The following SENP1 variants were observed in gnomAD, a reference collection of about 807,000 sequenced individuals.
SENP1 encodes the protein sentrin-specific protease 1.
In SENP1, 21 loss-of-function variants were observed where a neutral mutation model predicts 93.0. The observed-to-expected ratio is 0.23, with a 90% CI of 0.16 to 0.33. SENP1 has a LOEUF of 0.33. SENP1 is among the 10% of genes least tolerant of loss of function. The pLI is 1.00. For synonymous variants in SENP1, 256 were observed against 259.6 expected (o/e 0.99, Z 0.13); for missense variants, 591 against 758.7 (o/e 0.78, Z 2.60).
At chr12:48,081,487 G>A (rs1468839935) in intron 6 of SENP1, 2 of 150,866 alleles carry the variant, frequency 1.3e-5, no homozygotes, top group Non-Finnish European at 2.9e-5. Flanking sequence ...AAAGGCAAAT[G>A]TTGCCAGTTT....
At chr12:48,089,347 T>C in intron 4 of SENP1, 3 of 1,320,766 alleles carry the variant, frequency 2.3e-6, no homozygotes, top group Admixed American at 2.3e-5. Flanking sequence ...CCAGTGAGAA[T>C]TGTAATTCAA....
intron 5 of SENP1, among the ~76,000 whole-genome samples, chr12:48,088,061 T>A (rs1944998255): frequency 6.6e-6 from 1 of 152,076 alleles, no homozygotes; most frequent in Admixed American, 6.6e-5. Flanking sequence ...ACTATCTTTT[T>A]TTTTTTTTCT....
chr12:48,048,936 C>T lies in SENP1; in HGVS notation c.1604G>A (p.Cys535Tyr). Residue 535 changes from cysteine to tyrosine, a missense_variant, in exon 14 of 18, where the codon TGT (cysteine) becomes TAT (tyrosine). By Grantham distance (194) the Cys-to-Tyr change is radical. Transcript: ENST00000549518. Reference protein sequence around the residue: ...LVPIHLGVHWCLAVVDFRKKN... With the variant: ...LVPIHLGVHWYLAVVDFRKKN... ...AATGAAAGGGGTACTCACAGCTAGA[C>T]ACCAGTGTACTCCCAGGTGAATGGG... is the stretch of plus-strand genomic sequence containing the variant. 6.2e-7 allele frequency: 1 copy of T among 1,612,614 alleles called. No homozygotes were observed.
intron 2 of SENP1, among the ~76,000 whole-genome samples, chr12:48,100,683 C>T (rs1386138686): frequency 6.6e-6 from 1 of 151,876 alleles, no homozygotes; most frequent in African/African-American, 2.4e-5. Flanking sequence ...CTAGAAAACT[C>T]TAGAACCAGA....
chr12:48,094,775 CTT>C (rs1004413450), intron 4 of SENP1, among the ~76,000 whole-genome samples: 1 of 152,028 alleles, frequency 6.6e-6, no homozygotes, highest in Non-Finnish European at 1.5e-5. Flanking sequence ...TTCTATATAA[CTT>C]TATTATTAAG....
In SENP1 at chr12:48,064,957, G is replaced by A. The variant is rs1053426433; in HGVS notation, c.1275+108C>T. 1.2e-4 allele frequency: 93 copies of A among 783,108 alleles called. No homozygotes were observed. In the East Asian group the frequency reaches 2.2e-3, roughly 18 times the overall value. 48.5% of individuals were successfully genotyped at this position (783,108 alleles called of 1,614,324 possible). On this transcript the variant is annotated intron_variant, in intron 12 of 17. Transcript: ENST00000549518. The stretch of plus-strand genomic sequence containing the variant: ...CTCCCAAAGTGATGGGATTACAGGC[G>A]TGAGCCACCGTGCCTGACCACTATT...
intron 1 of SENP1, among the ~76,000 whole-genome samples, chr12:48,104,166 A>T (rs1314840847): frequency 6.7e-6 from 1 of 150,198 alleles, no homozygotes. Flanking sequence ...AGACAAGACC[A>T]AGCCATTGCA....
chr12:48,085,418 C>A, intron 5 of SENP1: 1 of 1,119,690 alleles, frequency 8.9e-7, no homozygotes, highest in Non-Finnish European at 1.3e-6. Flanking sequence ...AAGACCTGTG[C>A]TAGGGTCTTT....
chr12:48,067,658 G>A (rs966199830), intron 9 of SENP1, among the ~76,000 whole-genome samples: 5 of 152,162 alleles, frequency 3.3e-5, no homozygotes, highest in African/African-American at 9.7e-5. Context: ...AGTAAACAGA[G>A]CATCAAATTG....
At chr12:48,066,469 C>A (rs1382683767) in intron 10 of SENP1, among the ~76,000 whole-genome samples, 1 of 151,164 alleles carries the variant, frequency 6.6e-6, no homozygotes, top group African/African-American at 2.4e-5. Flanking sequence ...CCAACTCCAA[C>A]AATATTTTGA....
At chr12:48,081,311 T>C (rs147023628) in intron 6 of SENP1, 83 of 152,122 alleles carry the variant, frequency 5.5e-4, no homozygotes, top group African/African-American at 2.0e-3. Flanking sequence ...TAATGAAAAA[T>C]AAATCTTGGG....
At chr12:48,083,533 G>A (rs1271489344) in intron 6 of SENP1, 58 bp downstream of exon 6, 15 of 1,376,964 alleles carry the variant, frequency 1.1e-5, no homozygotes, top group Non-Finnish European at 1.5e-5. Context: ...GGGAGCAAAT[G>A]GCTCAATGTA....
intron 4 of SENP1, among the ~76,000 whole-genome samples, chr12:48,094,549 A>G (rs1317888700): frequency 1.3e-5 from 2 of 152,062 alleles, no homozygotes; most frequent in African/African-American, 4.8e-5. Context: ...GCATGGTGGC[A>G]GGCAGCTGTA....
intron 4 of SENP1, among the ~76,000 whole-genome samples, chr12:48,093,039 C>G (rs1252014429): frequency 6.6e-6 from 1 of 152,118 alleles, no homozygotes; most frequent in East Asian, 1.9e-4. Flanking sequence ...CCCATTATCC[C>G]AAATCAAATG....
intron 4 of SENP1, among the ~76,000 whole-genome samples, chr12:48,096,097 C>T (rs1465018134): frequency 2.0e-5 from 3 of 152,172 alleles, no homozygotes; most frequent in African/African-American, 7.2e-5. Context: ...TTTACAATGG[C>T]ATAATGGACA....
At chr12:48,105,163 G>A in intron 1 of SENP1, 1 of 290,816 alleles carries the variant, frequency 3.4e-6, no homozygotes, top group Non-Finnish European at 7.0e-6. Flanking sequence ...GGCTTTATAT[G>A]AATATTACAA....
At chr12:48,056,843 TTACA>T in intron 13 of SENP1, among the ~76,000 whole-genome samples, 1 of 64,068 alleles carries the variant, frequency 1.6e-5, no homozygotes. Context: ...ATATTACATA[TTACA>T]TATATATTAT....
intron 6 of SENP1, among the ~76,000 whole-genome samples, chr12:48,075,284 G>A (rs1943989424): frequency 6.6e-6 from 1 of 151,988 alleles, no homozygotes; most frequent in South Asian, 2.1e-4. Context: ...GACAGGTTGA[G>A]TAAATACCAG....
intron 9 of SENP1, among the ~76,000 whole-genome samples, chr12:48,067,808 TAA>T (rs1193598266): frequency 2.1e-5 from 3 of 144,314 alleles, no homozygotes; most frequent in Non-Finnish European, 3.1e-5. Flanking sequence ...TTCTGTCTCT[TAA>T]AAAAAAAAAA....
Sources: gnomAD v4.1 joint callset for allele counts (sites outside exome capture counted in the v4.1 genomes callset) on GRCh38, gnomAD v4.1.1 for gene constraint, MANE v1.5 for transcripts, NCBI Gene and HGNC (gene_info 2026-07-23, HGNC 2026-07-21) for gene names.